Variants in EHBP1 observed in about 807,000 individuals in gnomAD.
EHBP1 encodes EH domain-binding protein 1.
A neutral mutation model predicts 144.0 loss-of-function variants in EHBP1; 55 were observed. The ratio of observed to expected loss-of-function variants is 0.38; its 90% CI spans 0.31 to 0.48. The LOEUF (loss-of-function observed/expected upper bound fraction) is 0.48. EHBP1 is among the 20% of genes least tolerant of loss of function. The probability of loss-of-function intolerance (pLI) is 0.98; values close to 1 mark genes in which losing one functional copy is unlikely to be tolerated. For missense variants in EHBP1, 1,200 were observed against 1,364.2 expected, an observed-to-expected ratio of 0.88 and a Z score of 1.90; for synonymous variants, 469 against 472.7, an observed-to-expected ratio of 0.99 and a Z score of 0.10.
intron 15 of EHBP1, among the ~76,000 whole-genome samples, chr2:62,990,279 A>C (rs2059361680): frequency 6.6e-6 from 1 of 152,130 alleles, no homozygotes. Context: ...AATGTTAAGA[A>C]TTTGTTTTAA....
At chr2:62,862,483 G>T (rs200542606) in intron 8 of EHBP1, among the ~76,000 whole-genome samples, 1 of 151,986 alleles carries the variant, frequency 6.6e-6, no homozygotes, top group Non-Finnish European at 1.5e-5. Context: ...GATGGCGGGC[G>T]CCTGTAATCC....
rs139382053 is a variant in EHBP1 at position 62,873,743 on chromosome 2, A to G, written c.999-603A>G. Among the ~76,000 whole-genome samples the G allele has an allele frequency of 4.5e-3, 679 of 152,312 alleles. 5 individuals carry two copies. The highest frequency in any genetic ancestry group is 0.016 in the African/African-American group (664 of 41,580). ...AAAAGATGACTTACAAAGGAGCAAT[A>G]TTAGGCTGACAGTGGATTAATATCT... On this transcript the variant is annotated intron_variant, in intron 9 of 22. Transcript: ENST00000431489.
intron 5 of EHBP1, among the ~76,000 whole-genome samples, chr2:62,823,067 T>C (rs1329331383): frequency 1.3e-5 from 2 of 152,084 alleles, no homozygotes; most frequent in Non-Finnish European, 2.9e-5. Flanking sequence ...GGGGGGATAT[T>C]ACTTTTCAGT....
intron 14 of EHBP1, among the ~76,000 whole-genome samples, chr2:62,958,764 A>C (rs2057848753): frequency 6.6e-6 from 1 of 152,236 alleles, no homozygotes; most frequent in Non-Finnish European, 1.5e-5. Flanking sequence ...GTATGCTAAG[A>C]ATAAAGCTAA....
intron 3 of EHBP1, 100 bp downstream of exon 3, chr2:62,747,552 T>C: frequency 1.1e-6 from 1 of 946,336 alleles, no homozygotes; most frequent in Non-Finnish European, 1.6e-6. Flanking sequence ...CTTGATGTTT[T>C]GTTTTTTTTT....
chr2:62,732,360 C>G (rs1162732908), intron 2 of EHBP1, among the ~76,000 whole-genome samples: 1 of 152,000 alleles, frequency 6.6e-6, no homozygotes, highest in Non-Finnish European at 1.5e-5. Context: ...TTTTGGTATT[C>G]CCATTATGTG....
chr2:62,788,798 A>G (rs2042983995), intron 5 of EHBP1, among the ~76,000 whole-genome samples: 1 of 152,168 alleles, frequency 6.6e-6, no homozygotes, highest in South Asian at 2.1e-4. Flanking sequence ...CAGTACCTTC[A>G]TTACTAATTG....
chr2:62,742,055 C>T (rs2038760953), intron 2 of EHBP1, among the ~76,000 whole-genome samples: 1 of 152,068 alleles, frequency 6.6e-6, no homozygotes, highest in African/African-American at 2.4e-5. Flanking sequence ...AAATTACCTA[C>T]AGTATTCAAT....
intron 19 of EHBP1, among the ~76,000 whole-genome samples, chr2:63,034,398 T>G (rs2061378635): frequency 6.6e-6 from 1 of 152,102 alleles, no homozygotes; most frequent in Non-Finnish European, 1.5e-5. Flanking sequence ...ATTGTTGGTC[T>G]AGGTGACAAA....
At chr2:62,909,525 G>A (rs1341583675) in intron 10 of EHBP1, among the ~76,000 whole-genome samples, 2 of 152,148 alleles carry the variant, frequency 1.3e-5, no homozygotes, top group Non-Finnish European at 2.9e-5. Context: ...TATGCTGAAA[G>A]ACTTAAGACC....
intron 12 of EHBP1, among the ~76,000 whole-genome samples, chr2:62,945,045 G>A (rs2056984592): frequency 6.6e-6 from 1 of 152,126 alleles, no homozygotes; most frequent in Non-Finnish European, 1.5e-5. Context: ...TATGAATTTA[G>A]GCAATAAACC....
chr2:62,980,359 G>A (rs539724625), intron 15 of EHBP1, among the ~76,000 whole-genome samples: 1 of 152,124 alleles, frequency 6.6e-6, no homozygotes, highest in East Asian at 1.9e-4. Context: ...ACAGGAGGCC[G>A]AACTCAGGAG....
At chr2:62,926,213 C>T (rs1558925520) in intron 10 of EHBP1, among the ~76,000 whole-genome samples, 1 of 151,926 alleles carries the variant, frequency 6.6e-6, no homozygotes, top group Non-Finnish European at 1.5e-5. Context: ...TAGACTGCCA[C>T]CTCTCAAAAT....
chr2:62,816,569 TG>T (rs1366354286), intron 5 of EHBP1, among the ~76,000 whole-genome samples: 3 of 152,178 alleles, frequency 2.0e-5, no homozygotes, highest in Non-Finnish European at 2.9e-5. Context: ...TTTGGATATA[TG>T]CTGTTTACAA....
intron 2 of EHBP1, among the ~76,000 whole-genome samples, chr2:62,735,573 G>T (rs976322654): frequency 6.6e-6 from 1 of 152,096 alleles, no homozygotes; most frequent in Non-Finnish European, 1.5e-5. Flanking sequence ...AATTAGGTAT[G>T]AGACAAATAC....
At chr2:62,740,356 A>G (rs2038586467) in intron 2 of EHBP1, among the ~76,000 whole-genome samples, 1 of 152,158 alleles carries the variant, frequency 6.6e-6, no homozygotes, top group African/African-American at 2.4e-5. Flanking sequence ...TTTTTTCCCT[A>G]TTGAATAATT....
intron 19 of EHBP1, among the ~76,000 whole-genome samples, chr2:63,004,268 A>G (rs1574437036): frequency 6.6e-6 from 1 of 152,116 alleles, no homozygotes; most frequent in Non-Finnish European, 1.5e-5. Context: ...AAGGCCAATC[A>G]CAAAGCAAAA....
chr2:62,764,384 A>G, intron 4 of EHBP1, 23 bp downstream of exon 4: 3 of 1,507,264 alleles, frequency 2.0e-6, no homozygotes, highest in Non-Finnish European at 2.7e-6. Flanking sequence ...TTTATAGGCT[A>G]TAGAATTTAT....
intron 7 of EHBP1, among the ~76,000 whole-genome samples, chr2:62,834,733 C>T (rs888398714): frequency 6.6e-5 from 10 of 152,146 alleles, no homozygotes; most frequent in Non-Finnish European, 1.3e-4. Context: ...ATGGATTGAA[C>T]GGCATGGGTC....
Sources: allele counts gnomAD v4.1 joint callset (sites outside exome capture counted in the v4.1 genomes callset), GRCh38; gene constraint gnomAD v4.1.1; transcripts MANE v1.5; gene names NCBI Gene and HGNC (gene_info 2026-07-23, HGNC 2026-07-21).